CSMD2: variants seen among roughly 807,000 people sequenced by gnomAD.
CSMD2 encodes the protein CUB and Sushi multiple domains 2.
CSMD2 carries 130 observed loss-of-function variants against 398.5 expected under a neutral mutation model. The ratio of observed to expected loss-of-function variants is 0.33; its 90% CI spans 0.28 to 0.38. The LOEUF is 0.38. Ranked by LOEUF, CSMD2 falls within the 10% of genes least tolerant of loss-of-function variation. CSMD2 has a pLI of 1.00. For synonymous variants in CSMD2, 1,828 were observed against 1,908.5 expected, an observed-to-expected ratio of 0.96 and a Z score of 1.10; for missense variants, 3,829 against 4,764.9, an observed-to-expected ratio of 0.80 and a Z score of 5.78.
intron 1 of CSMD2, among the ~76,000 whole-genome samples, chr1:34,115,894 T>A (rs1661555501): frequency 6.6e-6 from 1 of 151,944 alleles, no homozygotes; most frequent in Admixed American, 6.5e-5. Context: ...CATATTATTA[T>A]AATTATAAAA....
chr1:33,885,838 G>A (rs1463492808), intron 5 of CSMD2, among the ~76,000 whole-genome samples: 2 of 152,200 alleles, frequency 1.3e-5, no homozygotes, highest in African/African-American at 4.8e-5. Context: ...GTGGTTAAGA[G>A]CATGGGCTTG....
chr1:34,065,835 G>A (rs1655049298), intron 2 of CSMD2, among the ~76,000 whole-genome samples: 1 of 152,162 alleles, frequency 6.6e-6, no homozygotes, highest in African/African-American at 2.4e-5. Flanking sequence ...TAGTTTGTGA[G>A]TCCACCCATA....
At chr1:33,990,519 G>A (rs1330403380) in intron 3 of CSMD2, among the ~76,000 whole-genome samples, 3 of 152,036 alleles carry the variant, frequency 2.0e-5, no homozygotes, top group Non-Finnish European at 4.4e-5. Flanking sequence ...TGGAAAGCCC[G>A]GTTCTGATAG....
In CSMD2 at chr1:33,629,887, C is replaced by G. The variant is rs182338343; in HGVS notation, c.5201-3306G>C. Among the ~76,000 whole-genome samples, 700 of 152,124 alleles carry G rather than the reference C, an allele frequency of 4.6e-3. 8 individuals carry two copies. Among genetic ancestry groups the G allele is most frequent in the African/African-American group, 0.016 (667 of 41,530 alleles). On this transcript the variant is annotated intron_variant, in intron 32 of 70. Coordinates refer to ENST00000373381, the MANE Select transcript of CSMD2 (RefSeq NM_001281956.2). ...CCTCCCGAGTGGCTGGGATTACAGG[C>G]ACCCACGACCATGCCCAGTGAATTT...
intron 48 of CSMD2, among the ~76,000 whole-genome samples, chr1:33,578,253 T>C (rs1638435361): frequency 6.6e-6 from 1 of 152,224 alleles, no homozygotes. Flanking sequence ...CTTCCAGATA[T>C]TGTTCTAAGT....
chr1:34,157,440 C>G (rs777184338), intron 1 of CSMD2, among the ~76,000 whole-genome samples: 1 of 152,018 alleles, frequency 6.6e-6, no homozygotes, highest in African/African-American at 2.4e-5. Context: ...ACTCAACCAA[C>G]CCAAACCATC....
intron 3 of CSMD2, among the ~76,000 whole-genome samples, chr1:33,981,671 AG>A (rs1646171313): frequency 6.6e-6 from 1 of 152,244 alleles, no homozygotes; most frequent in Non-Finnish European, 1.5e-5. Flanking sequence ...AGTCTCATGA[AG>A]GAGACAGGTG....
rs150407218 is a variant in CSMD2, at chr1:34,069,486, T to G, written c.404+19491A>C. The stretch of plus-strand genomic sequence containing the variant: ...CTTCACAACTCTTTTGCATTGCTGA[T>G]GAGGAAAAAGCAGTTCAAGGGTACT... On this transcript the variant is annotated intron_variant, in intron 2 of 70. Transcript: ENST00000373381. Among the ~76,000 whole-genome samples the G allele has an allele frequency of 1.1e-3, 169 of 152,348 alleles. 1 individual carries two copies. Among genetic ancestry groups the G allele is most frequent in the African/African-American group, 3.9e-3 (164 of 41,576 alleles).
chr1:34,020,568 G>A (rs1435956951), intron 3 of CSMD2, among the ~76,000 whole-genome samples: 7 of 152,148 alleles, frequency 4.6e-5, no homozygotes, highest in Admixed American at 3.3e-4. Context: ...TGGGGTAGGG[G>A]TAGGCGAGTG....
At chr1:33,794,374 A>G (rs1423723332) in intron 10 of CSMD2, among the ~76,000 whole-genome samples, 1 of 152,200 alleles carries the variant, frequency 6.6e-6, no homozygotes, top group Non-Finnish European at 1.5e-5. Context: ...GAGAAAGGTT[A>G]AAGGAGGCTT....
chr1:33,671,616 A>C (rs969018463), intron 25 of CSMD2, among the ~76,000 whole-genome samples: 1 of 152,088 alleles, frequency 6.6e-6, no homozygotes, highest in African/African-American at 2.4e-5. Context: ...AGCAGGCCCT[A>C]GCTAAGGGTG....
chr1:34,070,570 G>A (rs1240093877), intron 2 of CSMD2, among the ~76,000 whole-genome samples: 1 of 152,216 alleles, frequency 6.6e-6, no homozygotes, highest in Non-Finnish European at 1.5e-5. Flanking sequence ...TAATGCGCCT[G>A]AGAAGCCACA....
intron 25 of CSMD2, among the ~76,000 whole-genome samples, chr1:33,668,405 AG>A: frequency 6.6e-6 from 1 of 152,344 alleles, no homozygotes; most frequent in South Asian, 2.1e-4. Flanking sequence ...GGGCTGCCAC[AG>A]GGGGCCAGTG....
At chr1:33,869,807 T>G (rs1640323985) in intron 5 of CSMD2, among the ~76,000 whole-genome samples, 1 of 152,142 alleles carries the variant, frequency 6.6e-6, no homozygotes, top group African/African-American at 2.4e-5. Context: ...TCTCTCCCCA[T>G]CGCCCTAGCT....
At chr1:33,895,151 T>G (rs2125219537) in intron 5 of CSMD2, among the ~76,000 whole-genome samples, 1 of 152,362 alleles carries the variant, frequency 6.6e-6, no homozygotes, top group East Asian at 1.9e-4. Context: ...AATTTGAAAT[T>G]GACAACAGCC....
intron 55 of CSMD2, among the ~76,000 whole-genome samples, chr1:33,552,790 A>T (rs776918076): frequency 5.3e-5 from 8 of 152,066 alleles, no homozygotes; most frequent in Non-Finnish European, 1.2e-4. Context: ...GGGGTGGGCA[A>T]TGGGGAGTGA....
rs1031784173 is a variant in CSMD2, at chr1:33,537,999, T to C, written c.9632-390A>G. ...AAACCCAAGCCTATGTGATCGTAAA[T>C]CTTGTTTCATTCACTTAGCATTATC... On this transcript the variant is annotated intron_variant, in intron 60 of 70. Coordinates refer to ENST00000373381, the MANE Select transcript of CSMD2 (RefSeq NM_001281956.2). The surrounding 1 kb of genome is among the most constrained non-coding windows in gnomAD (Gnocchi z 4.6). Among the ~76,000 whole-genome samples the C allele has an allele frequency of 6.6e-6, 1 of 152,358 alleles. No individual in the cohort carries two copies. Among genetic ancestry groups the C allele is most frequent in the Admixed American group, 6.5e-5 (1 of 15,304 alleles).
At chr1:33,999,104 G>A (rs774893714) in intron 3 of CSMD2, among the ~76,000 whole-genome samples, 3 of 152,176 alleles carry the variant, frequency 2.0e-5, no homozygotes, top group Non-Finnish European at 4.4e-5. Flanking sequence ...AGCCCATTAA[G>A]GCCCCATAAG....
intron 49 of CSMD2, among the ~76,000 whole-genome samples, chr1:33,576,856 GA>G (rs887093439): frequency 2.0e-5 from 3 of 151,336 alleles, no homozygotes; most frequent in Non-Finnish European, 4.4e-5. Context: ...TACTTGAAGG[GA>G]AAAAACTGTC....
Sources: allele counts gnomAD v4.1 joint callset (sites outside exome capture counted in the v4.1 genomes callset), GRCh38; gene constraint gnomAD v4.1.1; non-coding constraint Gnocchi (gnomAD v3.1); transcripts MANE v1.5; gene names NCBI Gene and HGNC (gene_info 2026-07-23, HGNC 2026-07-21).